MECR: variants seen among roughly 807,000 people sequenced by gnomAD.
The protein encoded by MECR is enoyl-[acyl-carrier-protein] reductase, mitochondrial.
In MECR, 37 loss-of-function variants were observed where a neutral mutation model predicts 49.1. The ratio of observed to expected loss-of-function variants is 0.75; its 90% confidence interval spans 0.58 to 0.99. The LOEUF is 0.99. Among genes scored for constraint, MECR ranks in the 50% least tolerant of loss-of-function variants. The pLI, the probability that MECR is intolerant of heterozygous loss-of-function variation, is 0.00. For missense variants in MECR, 470 were observed against 479.6 expected (o/e 0.98, Z 0.19); for synonymous variants, 198 against 191.1 (o/e 1.04, Z -0.30).
At chr1:29,204,533 A>C (rs1206074324) in intron 4 of MECR, among the ~76,000 whole-genome samples, 1 of 152,202 alleles carries the variant, frequency 6.6e-6, no homozygotes. Context: ...GTATTTCACG[A>C]AACTTTGGTT....
At chr1:29,184,356 TAATA>T in the MECR span, among the ~76,000 whole-genome samples, 6 of 151,988 alleles carry the variant, frequency 3.9e-5, no homozygotes, top group African/African-American at 1.4e-4. Flanking sequence ...TTTGTATCTT[TAATA>T]GAGACTGGGT....
chr1:29,215,872 AAAAT>A (rs992060561), intron 3 of MECR, 129 bp downstream of exon 3: 552 of 1,130,876 alleles, frequency 4.9e-4, no homozygotes, highest in Middle Eastern at 6.4e-4. Flanking sequence ...ACTCCGTCTC[AAAAT>A]AAATAAATAA....
chr1:29,217,284 A>G (rs1679710155), intron 1 of MECR, among the ~76,000 whole-genome samples: 2 of 146,636 alleles, frequency 1.4e-5, no homozygotes, highest in Non-Finnish European at 3.0e-5. Context: ...ATCTCGGCTC[A>G]CTAAAAGCTC....
At chr1:29,176,291 G>C in the MECR span, among the ~76,000 whole-genome samples, 2 of 151,972 alleles carry the variant, frequency 1.3e-5, no homozygotes, top group African/African-American at 4.8e-5. Context: ...ACAACAAATA[G>C]GTGGTAGGGT....
chr1:29,229,286 T>C (rs1213008990), intron 1 of MECR, among the ~76,000 whole-genome samples: 2 of 151,342 alleles, frequency 1.3e-5, no homozygotes, highest in African/African-American at 4.9e-5. Context: ...CACTGCAACC[T>C]CCGCCTCCTG....
intron 3 of MECR, among the ~76,000 whole-genome samples, chr1:29,212,136 G>A (rs893066690): frequency 1.3e-5 from 2 of 152,214 alleles, no homozygotes; most frequent in African/African-American, 4.8e-5. Context: ...CTCACCTGCT[G>A]GCCAGGCGCA....
the MECR span, among the ~76,000 whole-genome samples, chr1:29,180,808 G>A: frequency 6.6e-6 from 1 of 152,138 alleles, no homozygotes; most frequent in South Asian, 2.1e-4. Context: ...TATTTTTGCC[G>A]AAGTAGATTA....
chr1:29,212,723 C>T (rs971635921), intron 3 of MECR, among the ~76,000 whole-genome samples: 4 of 152,216 alleles, frequency 2.6e-5, no homozygotes, highest in African/African-American at 7.2e-5. Context: ...CAATGGTTTC[C>T]AGACCATTCT....
At chr1:29,172,289 CTTTTAT>C in the MECR span, 1 of 151,876 alleles carries the variant, frequency 6.6e-6, no homozygotes, top group Non-Finnish European at 1.5e-5. Flanking sequence ...AAATTAGCAT[CTTTTAT>C]TTTTATTTTT....
downstream of MECR, among the ~76,000 whole-genome samples, chr1:29,188,036 C>CAAAT (rs1462233050): frequency 9.0e-5 from 6 of 66,408 alleles, no homozygotes; most frequent in African/African-American, 3.8e-4. Context: ...GACTCTGTCT[C>CAAAT]AAAAAAAAAA....
At position 29,203,120 on chromosome 1, in the gene MECR, TC is replaced by T; in HGVS notation, c.653+10del. ...GACATGGTCTGGGATGAAGCCTCCT[TC>T]CCCACGCACCTGTCTCGGACCACAT... On this transcript the variant is annotated intron_variant, in intron 5 of 9. Transcript: ENST00000263702. 2 of 1,558,400 alleles carry T rather than the reference TC, an allele frequency of 1.3e-6. No homozygotes were observed. The highest frequency in any genetic ancestry group is 1.7e-6 in the Non-Finnish European group (2 of 1,148,118).
chr1:29,190,828 A>G (rs1673108253), downstream of MECR, among the ~76,000 whole-genome samples: 1 of 151,480 alleles, frequency 6.6e-6, no homozygotes, highest in South Asian at 2.1e-4. Flanking sequence ...AGAGGTTCCT[A>G]AGAAACTGAC....
chr1:29,177,993 A>G, the MECR span, among the ~76,000 whole-genome samples: 1 of 139,010 alleles, frequency 7.2e-6, no homozygotes, highest in African/African-American at 2.7e-5. Context: ...TCCACCTCCC[A>G]GGTTCAAGCA....
chr1:29,223,312 C>G lies in MECR; in HGVS notation c.177-6627G>C, dbSNP rs561084675. ...AGACAAAAGCAGGCAGAAGAAAGAGCCTTTTGAGAGGGGGGAAAAGAGGCC... is the reference window on the plus strand; with the variant it reads ...AGACAAAAGCAGGCAGAAGAAAGAGGCTTTTGAGAGGGGGGAAAAGAGGCC... On this transcript the variant is annotated intron_variant, in intron 1 of 9. Transcript: ENST00000263702. The G allele has an allele frequency of 1.3e-5, 13 of 985,112 alleles. No homozygotes were observed. In the East Asian group the frequency reaches 4.5e-4, roughly 34 times the overall value. The allele number at this position is 985,112 out of a possible 1,614,324, so 61.0% of individuals were successfully genotyped here.
At chr1:29,214,094 C>G in intron 3 of MECR, among the ~76,000 whole-genome samples, 1 of 146,756 alleles carries the variant, frequency 6.8e-6, no homozygotes, top group South Asian at 2.3e-4. Context: ...TGGAGTCTTA[C>G]TCTGTCGCCC....
chr1:29,196,071 A>G, intron 8 of MECR, 58 bp from the exon 9 acceptor site: 3 of 1,601,038 alleles, frequency 1.9e-6, no homozygotes, highest in Non-Finnish European at 2.6e-6. Context: ...GGTACCGCTT[A>G]AGGGTACAGA....
Position 29,201,859 on chromosome 1 carries a change from A to G in MECR, c.756+84T>C. On this transcript the variant is annotated intron_variant, in intron 6 of 9. Transcript: ENST00000263702. The surrounding 1 kb of genome is among the most constrained non-coding windows in gnomAD (Gnocchi z 4.3). ...GTTTCCAGAGAGGAACAATGGGGCC[A>G]GTCCCCAGTTTCTCTAATGCATGTC... 1 of 1,161,060 alleles carries G rather than the reference A, an allele frequency of 8.6e-7. No individual in the cohort carries two copies. The highest frequency in any genetic ancestry group is 1.3e-6 in the Non-Finnish European group (1 of 774,546). 71.9% of individuals were successfully genotyped at this position (1,161,060 alleles called of 1,614,324 possible). A position where few individuals can be genotyped will look rare whatever the true frequency, so the allele number is the denominator to read the frequency against.
rs1313517575 is a variant in MECR, at chr1:29,207,018, A to C, written c.407-113T>G. 8.9e-6 allele frequency: 10 copies of C among 1,128,236 alleles called. No individual in the cohort carries two copies. The African/African-American group carries it at 1.6e-4, about 18-fold the overall frequency. 69.9% of individuals were successfully genotyped at this position (1,128,236 alleles called of 1,614,324 possible). On this transcript the variant is annotated intron_variant, in intron 3 of 9. Coordinates refer to ENST00000263702, the MANE Select transcript of MECR (RefSeq NM_016011.5). ...AGGATAGTGGGTAGCATCCACTGGA[A>C]GCATCCAGGATAGCATCCAGGATGT...
rs972840601 is a variant in MECR at position 29,201,154 on chromosome 1, C to T, written c.757-565G>A. 6.6e-6 allele frequency among the ~76,000 whole-genome samples: 1 copy of T among 152,202 alleles called. No individual in the cohort carries two copies. The highest frequency in any genetic ancestry group is 1.5e-5 in the Non-Finnish European group (1 of 68,040). On this transcript the variant is annotated intron_variant, in intron 6 of 9. Coordinates refer to ENST00000263702, the MANE Select transcript of MECR (RefSeq NM_016011.5). This position sits in a 1 kb window ranked among gnomAD's most constrained non-coding sequence, Gnocchi z 4.3. ...TTGTCCATTTTAGGACCTGGCAGAA[C>T]TCATCTTCTCTGGGAAAGAATAGGC... is the stretch of plus-strand genomic sequence containing the variant.
Sources: allele counts gnomAD v4.1 joint callset (sites outside exome capture counted in the v4.1 genomes callset), GRCh38; gene constraint gnomAD v4.1.1; non-coding constraint Gnocchi (gnomAD v3.1); transcripts MANE v1.5; gene names NCBI Gene and HGNC (gene_info 2026-07-23, HGNC 2026-07-21).